The following SLC6A5 variants were observed in gnomAD, a reference collection of about 807,000 sequenced individuals.
The protein encoded by SLC6A5 is sodium- and chloride-dependent glycine transporter 2.
Under a neutral mutation model 90.5 loss-of-function variants are expected in SLC6A5, and 58 were observed. That is an observed-to-expected ratio of 0.64 (90% confidence interval 0.52 to 0.80). The LOEUF (loss-of-function observed/expected upper bound fraction) is 0.80. SLC6A5 is among the 30% of genes least tolerant of loss of function. The pLI is 0.00. For synonymous variants in SLC6A5, 427 were observed against 401.4 expected, an observed-to-expected ratio of 1.06 and a Z score of -0.76; for missense variants, 1,015 against 1,017.6, an observed-to-expected ratio of 1.00 and a Z score of 0.03.
chr11:20,599,764 T>C (rs1363919159), intron 1 of SLC6A5, 89 bp downstream of exon 1: 1 of 1,479,672 alleles, frequency 6.8e-7, no homozygotes, highest in African/African-American at 1.4e-5. Context: ...TTTGGAGATG[T>C]CTGTGCATTG....
intron 5 of SLC6A5, among the ~76,000 whole-genome samples, chr11:20,612,751 C>T (rs1454569369): frequency 1.3e-5 from 2 of 152,192 alleles, no homozygotes; most frequent in African/African-American, 4.8e-5. Flanking sequence ...AAGTCTTGGG[C>T]TCAAGCCATC....
At position 20,607,499 on chromosome 11, in the gene SLC6A5, A is replaced by T. The variant is rs773625816; in HGVS notation, c.832A>T (p.Ile278Phe). 8 of 1,614,032 alleles carry T rather than the reference A, an allele frequency of 5.0e-6. No homozygotes were observed. The East Asian group carries it at 1.6e-4, about 31-fold the overall frequency. ...TGCAGGCTGTGGCATCGCGATGCTG[A>T]TCATCTCTGTCCTAATAGCCATATA... ...ALQGCGIAML[I>F]ISVLIAIYYN... Residue 278 changes from isoleucine to phenylalanine, a missense_variant, in exon 5 of 16, where the codon ATC (isoleucine) becomes TTC (phenylalanine). This residue lies in a region of SLC6A5 where 567 missense variants were observed against 507.3 expected (regional missense o/e 1.12). Transcript: ENST00000525748.
intron 7 of SLC6A5, among the ~76,000 whole-genome samples, chr11:20,621,336 A>C (rs1852884862): frequency 6.6e-6 from 1 of 152,142 alleles, no homozygotes. Flanking sequence ...CAAGAGTTAG[A>C]ATATTCTCTA....
intron 1 of SLC6A5, 144 bp downstream of exon 1, chr11:20,599,819 T>C (rs1319529484): frequency 1.0e-5 from 10 of 971,770 alleles, no homozygotes; most frequent in Admixed American, 7.1e-5. Context: ...CTCGCAGCCC[T>C]AGGTATTTGT....
intron 5 of SLC6A5, among the ~76,000 whole-genome samples, chr11:20,611,036 C>T (rs546175394): frequency 2.0e-5 from 3 of 152,316 alleles, no homozygotes; most frequent in East Asian, 1.9e-4. Context: ...AGTAACACTA[C>T]GTACATTTGC....
At chr11:20,648,582 A>G (rs1468911590) in intron 14 of SLC6A5, among the ~76,000 whole-genome samples, 1 of 152,142 alleles carries the variant, frequency 6.6e-6, no homozygotes, top group African/African-American at 2.4e-5. Context: ...GAATTTACCT[A>G]ATCGGTGGGA....
chr11:20,634,638 C>G (rs1410244792), intron 10 of SLC6A5, among the ~76,000 whole-genome samples: 2 of 152,176 alleles, frequency 1.3e-5, no homozygotes, highest in African/African-American at 4.8e-5. Flanking sequence ...ACAGACTTTT[C>G]TTTTACGGTT....
chr11:20,630,253 G>C (rs1189106731), intron 9 of SLC6A5, among the ~76,000 whole-genome samples: 1 of 152,198 alleles, frequency 6.6e-6, no homozygotes, highest in African/African-American at 2.4e-5. Context: ...TCTTCATATG[G>C]TGGAAGAGGC....
chr11:20,636,301 T>A lies in SLC6A5; in HGVS notation c.1625-6T>A, dbSNP rs1157610387. 1.3e-6 allele frequency: 2 copies of A among 1,595,104 alleles called. No individual in the cohort carries two copies. Among genetic ancestry groups the A allele is most frequent in the South Asian group, 2.2e-5 (2 of 90,704 alleles). ...TGCCTGCAATCATCTGTCTTGTTCC[T>A]TCCAGGGCCAGGCATTGCATTTGTG... On this transcript the variant is annotated splice_polypyrimidine_tract_variant and splice_region_variant and intron_variant, in intron 10 of 15. Transcript: ENST00000525748.
intron 1 of SLC6A5, 42 bp downstream of exon 1, chr11:20,599,717 AG>A: frequency 6.2e-7 from 1 of 1,612,730 alleles, no homozygotes; most frequent in South Asian, 1.1e-5. Context: ...AAGGGGGCTG[AG>A]GGGACAGGGA....
intron 13 of SLC6A5, among the ~76,000 whole-genome samples, chr11:20,643,745 T>C (rs1853357315): frequency 6.6e-6 from 1 of 152,210 alleles, no homozygotes; most frequent in Admixed American, 6.5e-5. Flanking sequence ...TAGAGTGAGC[T>C]GGGAAAAGTT....
chr11:20,653,414 A>G (rs548532566), intron 15 of SLC6A5, among the ~76,000 whole-genome samples: 1 of 152,298 alleles, frequency 6.6e-6, no homozygotes, highest in South Asian at 2.1e-4. Context: ...GACTCAGGTG[A>G]TAGAAGGCAG....
At chr11:20,627,468 A>G (rs1021772197) in intron 8 of SLC6A5, among the ~76,000 whole-genome samples, 2 of 152,226 alleles carry the variant, frequency 1.3e-5, no homozygotes, top group African/African-American at 4.8e-5. Context: ...TTGATTGCAC[A>G]AAACAGAAAG....
intron 10 of SLC6A5, among the ~76,000 whole-genome samples, chr11:20,633,620 A>G (rs1202736721): frequency 6.6e-6 from 1 of 152,144 alleles, no homozygotes; most frequent in Non-Finnish European, 1.5e-5. Context: ...ACTCTGCTCA[A>G]GTTACTGAAA....
intron 13 of SLC6A5, among the ~76,000 whole-genome samples, chr11:20,639,336 A>AAT (rs1011209517): frequency 8.6e-5 from 13 of 151,948 alleles, no homozygotes; most frequent in African/African-American, 3.1e-4. Context: ...AGGCCTCACT[A>AAT]ATATATATAT....
chr11:20,601,556 A>G lies in SLC6A5; in HGVS notation c.431A>G (p.Asn144Ser). The change falls in exon 2 of 16, where the codon AAC (asparagine) becomes AGC (serine). Residue 144 changes from asparagine to serine, a missense_variant. By Grantham distance (46) the Asn-to-Ser change is conservative (BLOSUM62 1). This residue lies in a region of SLC6A5 where 567 missense variants were observed against 507.3 expected (regional missense o/e 1.12). Transcript: ENST00000525748. ...GTGGGCAAGGGCACCCTGGAGCGGAACAATACCCCTGTTGTGGGCTGGGTG... is the reference window on the plus strand; with the variant it reads ...GTGGGCAAGGGCACCCTGGAGCGGAGCAATACCCCTGTTGTGGGCTGGGTG... Reference protein sequence around the residue: ...VSVGKGTLERNNTPVVGWVNM... With the variant: ...VSVGKGTLERSNTPVVGWVNM... 2 of 1,614,176 alleles carry G rather than the reference A, an allele frequency of 1.2e-6. No individual in the cohort carries two copies. The highest frequency in any genetic ancestry group is 8.5e-7 in the Non-Finnish European group (1 of 1,180,004).
chr11:20,655,161 T>C lies in SLC6A5; in HGVS notation c.*293T>C. The C allele has an allele frequency of 2.4e-6, 1 of 418,714 alleles. No individual in the cohort carries two copies. The highest frequency in any genetic ancestry group is 2.1e-5 in the South Asian group (1 of 48,694). The allele number at this position is 418,714 out of a possible 1,614,324, so 25.9% of individuals were successfully genotyped here. On this transcript the variant is annotated 3_prime_UTR_variant, in exon 16 of 16. Coordinates refer to ENST00000525748, the MANE Select transcript of SLC6A5 (RefSeq NM_004211.5). Reference sequence around the variant, plus strand: ...AGAGGAGGATCAGTTAGGTGAGCACTGGTAGGTATGCGTGGTTTTGTCAAT... The same window carrying C: ...AGAGGAGGATCAGTTAGGTGAGCACCGGTAGGTATGCGTGGTTTTGTCAAT...
In SLC6A5 at chr11:20,604,452, C is replaced by CGGCGG. The variant is rs748974088; in HGVS notation, c.679+40_679+44dup. The CGGCGG allele has an allele frequency of 2.1e-5, 34 of 1,586,478 alleles. No homozygotes were observed. The East Asian group carries it at 6.9e-4, about 32-fold the overall frequency. On this transcript the variant is annotated intron_variant, in intron 3 of 15. Coordinates refer to ENST00000525748, the MANE Select transcript of SLC6A5 (RefSeq NM_004211.5). ...ATGGCTTTTCCGCTCTTTCCGCCTG[C>CGGCGG]GGCGGGGCGGGGCGGGCACCTGAGG...
intron 10 of SLC6A5, among the ~76,000 whole-genome samples, 174 bp from the exon 11 acceptor site, chr11:20,636,133 G>T (rs1565284851): frequency 6.6e-6 from 1 of 152,074 alleles, no homozygotes; most frequent in South Asian, 2.1e-4. Context: ...CCCCTTCAAG[G>T]AGCCTAAGGT....
Sources: gnomAD v4.1 joint callset for allele counts (sites outside exome capture counted in the v4.1 genomes callset) on GRCh38, gnomAD v4.1.1 for gene constraint, gnomAD v4.1.1 regional missense constraint, MANE v1.5 for transcripts, NCBI Gene and HGNC (gene_info 2026-07-23, HGNC 2026-07-21) for gene names.